DNAJC17: variants seen among roughly 807,000 people sequenced by gnomAD.
The protein encoded by DNAJC17 is dnaJ homolog subfamily C member 17.
A neutral mutation model predicts 48.1 loss-of-function variants in DNAJC17; 35 were observed. The ratio of observed to expected loss-of-function variants is 0.73; its 90% CI spans 0.56 to 0.96. DNAJC17 has a LOEUF of 0.96. Ranked by LOEUF, DNAJC17 falls within the 50% of genes least tolerant of loss-of-function variation. The pLI, the probability that DNAJC17 is intolerant of heterozygous loss-of-function variation, is 0.00. For synonymous variants in DNAJC17, 117 were observed against 142.7 expected, an observed-to-expected ratio of 0.82 and a Z score of 1.28; for missense variants, 355 against 377.1, an observed-to-expected ratio of 0.94 and a Z score of 0.48.
chr15:40,767,259 A>T lies in DNAJC17; in HGVS notation c.*681T>A, dbSNP rs764616321. 1 of 1,594,956 alleles carries T rather than the reference A, an allele frequency of 6.3e-7. No individual in the cohort carries two copies. Among genetic ancestry groups the T allele is most frequent in the Non-Finnish European group, 8.5e-7 (1 of 1,170,844 alleles). ...ACTACGTCGATGACCCTCCCCGCAT[A>T]GTCCTGGACAAGCTGGAACGCAGGG... On this transcript the variant is annotated 3_prime_UTR_variant, in exon 11 of 11. Coordinates refer to ENST00000220496, the MANE Select transcript of DNAJC17 (RefSeq NM_018163.3).
rs538219563 is a variant in DNAJC17, at chr15:40,797,717, CTTTTTTTTT to C, written c.78+9643_78+9651del. Among the ~76,000 whole-genome samples, 5 of 98,992 alleles carry C rather than the reference CTTTTTTTTT, an allele frequency of 5.1e-5. 1 individual carries two copies. The highest frequency in any genetic ancestry group is 3.5e-4 in the Admixed American group (3 of 8,546). The allele number at this position is 98,992 out of a possible 152,430, so 64.9% of individuals were successfully genotyped here. ...GTAAGCCACCGCACCTGGCCGATCTCTTTTTTTTTTTTTTTTTTTTTTGAGATGGAGTCT... is the reference window on the plus strand; with the variant it reads ...GTAAGCCACCGCACCTGGCCGATCTCTTTTTTTTTTTTTGAGATGGAGTCT... On this transcript the variant is annotated intron_variant, in intron 1 of 10. Coordinates refer to ENST00000220496, the MANE Select transcript of DNAJC17 (RefSeq NM_018163.3).
chr15:40,771,357 C>T (rs775509631), intron 10 of DNAJC17: 2 of 339,684 alleles, frequency 5.9e-6, no homozygotes, highest in South Asian at 7.5e-5. Context: ...CTACAGGAAC[C>T]AGGTAGAGGC....
Position 40,788,800 on chromosome 15 carries a change from G to A in DNAJC17, c.79-8803C>T, listed in dbSNP as rs183844408. On this transcript the variant is annotated intron_variant, in intron 1 of 10. Coordinates refer to ENST00000220496, the MANE Select transcript of DNAJC17 (RefSeq NM_018163.3). Reference sequence around the variant, plus strand: ...GCTGGGAAGGATTATTTGAGTCCACGAGTTTGAGGCTGCATGCCACTGCAT... The same window carrying A: ...GCTGGGAAGGATTATTTGAGTCCACAAGTTTGAGGCTGCATGCCACTGCAT... 3.3e-5 allele frequency among the ~76,000 whole-genome samples: 5 copies of A among 152,210 alleles called. No individual in the cohort carries two copies. In the East Asian group the frequency reaches 7.7e-4, roughly 23 times the overall value.
intron 1 of DNAJC17, chr15:40,807,130 C>A: frequency 2.0e-6 from 2 of 1,008,058 alleles, no homozygotes; most frequent in Non-Finnish European, 2.8e-6. Flanking sequence ...GAGACAGGGG[C>A]CACGGGGAGA....
At chr15:40,803,151 CAA>C (rs59835838) in intron 1 of DNAJC17, among the ~76,000 whole-genome samples, 5 of 139,006 alleles carry the variant, frequency 3.6e-5, no homozygotes, top group Admixed American at 2.1e-4. Flanking sequence ...AGAATAAATA[CAA>C]AAAAAAAAAA....
intron 1 of DNAJC17, among the ~76,000 whole-genome samples, chr15:40,795,360 A>G (rs183931585): frequency 2.6e-5 from 4 of 152,322 alleles, no homozygotes; most frequent in African/African-American, 9.6e-5. Context: ...TCTGCATTTC[A>G]AAATGATGGG....
At chr15:40,793,836 C>A (rs929927031) in intron 1 of DNAJC17, among the ~76,000 whole-genome samples, 1 of 151,830 alleles carries the variant, frequency 6.6e-6, no homozygotes, top group African/African-American at 2.4e-5. Flanking sequence ...GTTTTGCAGA[C>A]GAGGAAACCA....
At chr15:40,774,591 C>T (rs1889263520) in intron 8 of DNAJC17, among the ~76,000 whole-genome samples, 155 bp from the exon 9 acceptor site, 1 of 152,226 alleles carries the variant, frequency 6.6e-6, no homozygotes, top group Admixed American at 6.5e-5. Flanking sequence ...GAAGTGAGAT[C>T]AGAGATAGGA....
At chr15:40,768,344 G>T (rs1312749055) in intron 10 of DNAJC17, among the ~76,000 whole-genome samples, 1 of 152,146 alleles carries the variant, frequency 6.6e-6, no homozygotes, top group Non-Finnish European at 1.5e-5. Context: ...AATCACCTGC[G>T]GGCCCTCTAA....
At position 40,766,211 on chromosome 15, in the gene DNAJC17, C is replaced by T; in HGVS notation, c.*1729G>A. ...CTAGCAGACTGTTCCTTGCCCTGCC[C>T]TCTCCTAAGCTGGACCCCATCAAGG... On this transcript the variant is annotated 3_prime_UTR_variant, in exon 11 of 11. Coordinates refer to ENST00000220496, the MANE Select transcript of DNAJC17 (RefSeq NM_018163.3). The T allele has an allele frequency of 4.1e-6, 1 of 243,904 alleles. No homozygotes were observed. The highest frequency in any genetic ancestry group is 7.8e-6 in the Non-Finnish European group (1 of 127,604). The allele number at this position is 243,904 out of a possible 1,614,324, so 15.1% of individuals were successfully genotyped here. A position where few individuals can be genotyped will look rare whatever the true frequency, so the allele number is the denominator to read the frequency against.
At chr15:40,776,723 T>A in intron 4 of DNAJC17, 96 bp from the exon 5 acceptor site, 1 of 1,220,934 alleles carries the variant, frequency 8.2e-7, no homozygotes, top group South Asian at 1.2e-5. Context: ...AAAGTCTCAA[T>A]CACGACGAGA....
At chr15:40,775,412 A>C in intron 7 of DNAJC17, 141 bp downstream of exon 7, 2 of 983,798 alleles carry the variant, frequency 2.0e-6, no homozygotes, top group Non-Finnish European at 3.1e-6. Context: ...CGGCTGGAGC[A>C]TGGAGGGAGG....
chr15:40,799,969 C>T (rs994917175), intron 1 of DNAJC17, among the ~76,000 whole-genome samples: 1 of 152,074 alleles, frequency 6.6e-6, no homozygotes, highest in Non-Finnish European at 1.5e-5. Context: ...CCCACATTAG[C>T]CTCTCCATGA....
chr15:40,801,421 G>A (rs28736321), intron 1 of DNAJC17, among the ~76,000 whole-genome samples: 1 of 152,154 alleles, frequency 6.6e-6, no homozygotes, highest in South Asian at 2.1e-4. Context: ...AGGGGAGGAA[G>A]AGCATTCCTG....
intron 4 of DNAJC17, among the ~76,000 whole-genome samples, chr15:40,778,877 T>C (rs771327960): frequency 6.6e-6 from 1 of 152,090 alleles, no homozygotes; most frequent in Non-Finnish European, 1.5e-5. Flanking sequence ...GGGGTTGCAG[T>C]GAGCCGAGAT....
At chr15:40,799,224 C>CAAAAAAAAAAAAAAAAAA (rs34609538) in intron 1 of DNAJC17, among the ~76,000 whole-genome samples, 1 of 44,368 alleles carries the variant, frequency 2.3e-5, no homozygotes, top group East Asian at 7.4e-4. Context: ...GACTCCATCT[C>CAAAAAAAAAAAAAAAAAA]AAAAAAAAAA....
In DNAJC17 at chr15:40,779,878, T is replaced by C. The variant is rs370345343; in HGVS notation, c.148+50A>G. On this transcript the variant is annotated intron_variant, in intron 2 of 10. Transcript: ENST00000220496. The stretch of plus-strand genomic sequence containing the variant: ...GCAGAGCTTACATCGGGAAACACAA[T>C]GCCCGGGTGAGTGGGTTTCTTTCTC... The C allele has an allele frequency of 4.3e-5, 68 of 1,581,032 alleles. 1 individual carries two copies. The African/African-American group carries it at 8.2e-4, about 19-fold the overall frequency.
chr15:40,791,059 C>T (rs926673623), intron 1 of DNAJC17, among the ~76,000 whole-genome samples: 8 of 151,984 alleles, frequency 5.3e-5, no homozygotes, highest in South Asian at 4.1e-4. Flanking sequence ...AAAAATAGGC[C>T]GGGTGCGGTG....
At chr15:40,774,284 G>T in intron 9 of DNAJC17, 72 bp downstream of exon 9, 2 of 1,528,322 alleles carry the variant, frequency 1.3e-6, no homozygotes, top group Non-Finnish European at 1.8e-6. Context: ...AACTCAGAGG[G>T]CCCACAGAAT....
Sources: gnomAD v4.1 joint callset for allele counts (sites outside exome capture counted in the v4.1 genomes callset) on GRCh38, gnomAD v4.1.1 for gene constraint, MANE v1.5 for transcripts, NCBI Gene and HGNC (gene_info 2026-07-23, HGNC 2026-07-21) for gene names.